The following CD1B variants were observed in gnomAD, a reference collection of about 807,000 sequenced individuals.
The protein encoded by CD1B is CD1b molecule, also known as T-cell surface glycoprotein CD1b.
CD1B carries 43 observed loss-of-function variants against 39.8 expected under a neutral mutation model. The observed-to-expected ratio is 1.08, with a 90% CI of 0.85 to 1.39. The LOEUF (loss-of-function observed/expected upper bound fraction) is 1.39. Ranked by LOEUF, CD1B falls within the 40% of genes most tolerant of loss-of-function variation. The probability of loss-of-function intolerance (pLI) is 0.00; values close to 1 mark genes in which losing one functional copy is unlikely to be tolerated. For synonymous variants in CD1B, 192 were observed against 152.5 expected (o/e 1.26, Z -1.91); for missense variants, 495 against 403.8 (o/e 1.23, Z -1.94).
At chr1:158,312,231 A>G in the CD1B span, among the ~76,000 whole-genome samples, 1 of 152,278 alleles carries the variant, frequency 6.6e-6, no homozygotes, top group South Asian at 2.1e-4. Flanking sequence ...AGATAATTGA[A>G]TCATGGGGAC....
chr1:158,309,954 A>C, the CD1B span, among the ~76,000 whole-genome samples: 1 of 150,768 alleles, frequency 6.6e-6, no homozygotes. Flanking sequence ...CACATTGTGC[A>C]CATATACCCT....
At chr1:158,329,722 A>G in intron 3 of CD1B, 74 bp from the exon 4 acceptor site, 1 of 1,572,818 alleles carries the variant, frequency 6.4e-7, no homozygotes, top group African/African-American at 1.4e-5. Flanking sequence ...GAAACCTACA[A>G]GCTTGGACAG....
chr1:158,290,951 G>C, the CD1B span, among the ~76,000 whole-genome samples: 372 of 152,190 alleles, frequency 2.4e-3, 1 homozygote, highest in Non-Finnish European at 4.6e-3. Context: ...CTCTCTCCAG[G>C]TCCAGTTTAC....
At chr1:158,321,658 T>A in the CD1B span, among the ~76,000 whole-genome samples, 1 of 152,222 alleles carries the variant, frequency 6.6e-6, no homozygotes, top group Non-Finnish European at 1.5e-5. Context: ...TTCACTGCTG[T>A]TTATCTTTAG....
intron 4 of CD1B, 36 bp downstream of exon 4, chr1:158,329,334 C>T (rs1652487037): frequency 2.5e-6 from 4 of 1,591,450 alleles, no homozygotes; most frequent in Non-Finnish European, 1.7e-6. Context: ...AGATCACTTC[C>T]TGGCATTTCC....
At chr1:158,318,874 T>G in the CD1B span, among the ~76,000 whole-genome samples, 1 of 152,180 alleles carries the variant, frequency 6.6e-6, no homozygotes, top group Non-Finnish European at 1.5e-5. Flanking sequence ...GACAAAATCT[T>G]TCAGCATTTG....
chr1:158,314,737 T>C, the CD1B span, among the ~76,000 whole-genome samples: 6 of 152,046 alleles, frequency 3.9e-5, no homozygotes, highest in Non-Finnish European at 8.8e-5. Context: ...ACATGTGCCA[T>C]GCTGGTGCGC....
chr1:158,320,468 C>G, the CD1B span, among the ~76,000 whole-genome samples: 1 of 152,206 alleles, frequency 6.6e-6, no homozygotes, highest in Non-Finnish European at 1.5e-5. Flanking sequence ...AGGGAACTCC[C>G]TGACCCCTTG....
At position 158,328,285 on chromosome 1, in the gene CD1B, T is replaced by G. The variant is rs751789053; in HGVS notation, c.981-28A>C. The G allele has an allele frequency of 2.5e-6, 4 of 1,598,460 alleles. No homozygotes were observed. The East Asian group carries it at 6.7e-5, about 27-fold the overall frequency. ...GTTAAAAACAGAAGAACAAAAGAGC[T>G]CCACATAAAAGATGTTTGTACACCC... On this transcript the variant is annotated intron_variant, in intron 5 of 5. Transcript: ENST00000368168.
Position 158,329,159 on chromosome 1 carries a change from A to T in CD1B, c.887-145T>A, listed in dbSNP as rs1557821227. 6 of 920,246 alleles carry T rather than the reference A, an allele frequency of 6.5e-6. No individual in the cohort carries two copies. The South Asian group carries it at 8.6e-5, about 13-fold the overall frequency. 57.0% of individuals were successfully genotyped at this position (920,246 alleles called of 1,614,324 possible). ...CTGGCCACCATATATCCATCCTTTG[A>T]TCCCCTCTACCCAGTTTACAGGTCC... On this transcript the variant is annotated intron_variant, in intron 4 of 5. Coordinates refer to ENST00000368168, the MANE Select transcript of CD1B (RefSeq NM_001764.3).
the CD1B span, chr1:158,291,293 G>A: frequency 1.9e-6 from 3 of 1,613,978 alleles, no homozygotes; most frequent in Non-Finnish European, 2.5e-6. Context: ...TGGTCCAAGG[G>A]CAACTTCAGC....
chr1:158,328,126 G>C lies in CD1B; in HGVS notation c.*110C>G. ...TTATTTTAAAATACATGAAAACTCT[G>C]ATTTCATCAAATTTGAAAATCATTT... is the stretch of plus-strand genomic sequence containing the variant. On this transcript the variant is annotated 3_prime_UTR_variant, in exon 6 of 6. Coordinates refer to ENST00000368168, the MANE Select transcript of CD1B (RefSeq NM_001764.3). The C allele has an allele frequency of 3.5e-6, 3 of 859,594 alleles. No individual in the cohort carries two copies. The highest frequency in any genetic ancestry group is 5.7e-6 in the Non-Finnish European group (3 of 527,792). 53.2% of individuals were successfully genotyped at this position (859,594 alleles called of 1,614,324 possible). A position where few individuals can be genotyped will look rare whatever the true frequency, so the allele number is the denominator to read the frequency against.
At chr1:158,313,784 G>A in the CD1B span, among the ~76,000 whole-genome samples, 1 of 152,102 alleles carries the variant, frequency 6.6e-6, no homozygotes, top group Non-Finnish European at 1.5e-5. Context: ...CAGCAGTGAG[G>A]TCATCAGCTC....
the CD1B span, among the ~76,000 whole-genome samples, chr1:158,317,177 A>C: frequency 6.6e-6 from 1 of 151,934 alleles, no homozygotes; most frequent in African/African-American, 2.4e-5. Context: ...CTGGCCTCAT[A>C]AAATGAGTTA....
chr1:158,289,474 G>A, the CD1B span, among the ~76,000 whole-genome samples: 2 of 152,138 alleles, frequency 1.3e-5, no homozygotes, highest in South Asian at 4.1e-4. Context: ...GATGTAAAAA[G>A]CAACGTCTCC....
chr1:158,293,320 C>T, the CD1B span: 2 of 1,595,416 alleles, frequency 1.3e-6, no homozygotes, highest in Admixed American at 3.4e-5. Flanking sequence ...TTTTGTATTT[C>T]CTCCTCTCCT....
chr1:158,326,950 C>T (rs1336338137), downstream of CD1B, among the ~76,000 whole-genome samples: 1 of 152,138 alleles, frequency 6.6e-6, no homozygotes, highest in South Asian at 2.1e-4. Flanking sequence ...CCATGCACCA[C>T]CATGCCCGGC....
the CD1B span, chr1:158,292,427 C>A: frequency 6.5e-7 from 1 of 1,543,398 alleles, no homozygotes; most frequent in East Asian, 2.2e-5. Context: ...CTTCTGTTCC[C>A]ACCCTTCAAA....
At chr1:158,306,256 C>CA in the CD1B span, among the ~76,000 whole-genome samples, 3 of 151,628 alleles carry the variant, frequency 2.0e-5, no homozygotes, top group South Asian at 2.1e-4. Flanking sequence ...AAATGGAAAA[C>CA]AAAAAAAGGC....
Sources: allele counts gnomAD v4.1 joint callset (sites outside exome capture counted in the v4.1 genomes callset), GRCh38; gene constraint gnomAD v4.1.1; transcripts MANE v1.5; gene names NCBI Gene and HGNC (gene_info 2026-07-23, HGNC 2026-07-21).